ASTN2: variants seen among roughly 807,000 people sequenced by gnomAD.
The protein encoded by ASTN2 is astrotactin 2.
ASTN2 carries 54 observed loss-of-function variants against 139.8 expected under a neutral mutation model. The ratio of observed to expected loss-of-function variants is 0.39; its 90% CI spans 0.31 to 0.48. The LOEUF (loss-of-function observed/expected upper bound fraction) is 0.48. Ranked by LOEUF, ASTN2 falls within the 20% of genes least tolerant of loss-of-function variation. The probability of loss-of-function intolerance (pLI) is 0.95; values close to 1 mark genes in which losing one functional copy is unlikely to be tolerated. For synonymous variants in ASTN2, 756 were observed against 719.5 expected (o/e 1.05, Z -0.81); for missense variants, 1,565 against 1,725.1 (o/e 0.91, Z 1.64).
Position 116,620,433 on chromosome 9 carries a change from C to T in ASTN2, c.3083G>A (p.Ser1028Asn), listed in dbSNP as rs771115053. Residue 1028 changes from serine to asparagine, a missense_variant, in exon 18 of 23, where the codon AGT becomes AAT. Ser to Asn is a conservative substitution (Grantham distance 46). This residue lies in a region of ASTN2 where 418 missense variants were observed against 465.8 expected (regional missense o/e 0.90). Transcript: ENST00000313400. Reference sequence around the variant, plus strand: ...GCACCAGTAGGAACTCATCAGTGCACTCTTGAAGGCCTGGACAAAAAAAGA... The same window carrying T: ...GCACCAGTAGGAACTCATCAGTGCATTCTTGAAGGCCTGGACAAAAAAAGA... ...QDNGTKEAFK[S>N]ALMSSYWCSG... is the part of the protein sequence containing the mutation. 6.2e-7 allele frequency: 1 copy of T among 1,614,090 alleles called. No homozygotes were observed. The highest frequency in any genetic ancestry group is 2.2e-5 in the East Asian group (1 of 44,876).
At chr9:117,205,240 C>A (rs1449857012) in intron 3 of ASTN2, among the ~76,000 whole-genome samples, 1 of 149,588 alleles carries the variant, frequency 6.7e-6, no homozygotes, top group East Asian at 2.0e-4. Context: ...TGAAGGAAAG[C>A]TGGAGATAAA....
chr9:116,789,504 T>C (rs999002828), intron 13 of ASTN2, among the ~76,000 whole-genome samples: 1 of 152,220 alleles, frequency 6.6e-6, no homozygotes. Flanking sequence ...ATAGTAATTA[T>C]TCAGTAGTGA....
At chr9:116,671,151 T>G (rs1475178175) in intron 16 of ASTN2, among the ~76,000 whole-genome samples, 1 of 152,106 alleles carries the variant, frequency 6.6e-6, no homozygotes, top group Admixed American at 6.6e-5. Context: ...ATCCCAAAAT[T>G]TATATTAGAA....
In ASTN2 at chr9:116,424,051, C is replaced by T. The variant is rs1847246343; in HGVS notation, c.*1800G>A. Among the ~76,000 whole-genome samples, 1 of 152,132 alleles carries T rather than the reference C, an allele frequency of 6.6e-6. No individual in the cohort carries two copies. The highest frequency in any genetic ancestry group is 1.5e-5 in the Non-Finnish European group (1 of 68,018). On this transcript the variant is annotated 3_prime_UTR_variant, in exon 23 of 23. Coordinates refer to ENST00000313400, the MANE Select transcript of ASTN2 (RefSeq NM_001365068.1). ...ATCTTTGCATTATGATATACCTGAC[C>T]TACATCCCATCTGCTCAAGCTAGGT...
intron 19 of ASTN2, among the ~76,000 whole-genome samples, chr9:116,511,813 G>A (rs1850396916): frequency 6.6e-6 from 1 of 152,116 alleles, no homozygotes; most frequent in South Asian, 2.1e-4. Flanking sequence ...AGTATTCTCT[G>A]ACGGTAGTAT....
chr9:117,121,090 T>A lies in ASTN2; in HGVS notation c.1168+20236A>T, dbSNP rs144031884. ...TATCTGGTAAAATTATTAGAAGAAG[T>A]TCACATCCACATGGGGTAGGCATCA... is the stretch of plus-strand genomic sequence containing the variant. On this transcript the variant is annotated intron_variant, in intron 4 of 22. Coordinates refer to ENST00000313400, the MANE Select transcript of ASTN2 (RefSeq NM_001365068.1). Among the ~76,000 whole-genome samples the A allele has an allele frequency of 1.8e-3, 270 of 152,366 alleles. No individual in the cohort carries two copies. The South Asian group carries it at 0.019, about 11-fold the overall frequency.
At chr9:116,535,573 TTTGC>T (rs1402961720) in intron 19 of ASTN2, among the ~76,000 whole-genome samples, 3 of 152,154 alleles carry the variant, frequency 2.0e-5, no homozygotes, top group Non-Finnish European at 2.9e-5. Flanking sequence ...TCCCTTAGCA[TTTGC>T]TTGTCTATAA....
At chr9:116,481,106 G>C (rs1484251889) in intron 20 of ASTN2, among the ~76,000 whole-genome samples, 1 of 152,184 alleles carries the variant, frequency 6.6e-6, no homozygotes, top group Non-Finnish European at 1.5e-5. Context: ...AACTGAAGCA[G>C]TCTGGGCATG....
intron 19 of ASTN2, among the ~76,000 whole-genome samples, chr9:116,608,874 TG>T (rs1169220326): frequency 2.0e-5 from 3 of 152,084 alleles, no homozygotes; most frequent in Non-Finnish European, 2.9e-5. Context: ...ATATCCCATA[TG>T]TAAAAAAAAT....
At chr9:117,303,730 C>G (rs570212726) in intron 1 of ASTN2, among the ~76,000 whole-genome samples, 1 of 152,330 alleles carries the variant, frequency 6.6e-6, no homozygotes, top group African/African-American at 2.4e-5. Flanking sequence ...AAACAGTCAA[C>G]AGCTCTCCTC....
At chr9:117,369,507 G>A (rs951463981) in intron 1 of ASTN2, among the ~76,000 whole-genome samples, 1 of 151,994 alleles carries the variant, frequency 6.6e-6, no homozygotes, top group Admixed American at 6.6e-5. Flanking sequence ...AGATCATATA[G>A]ACCCTGCCTG....
chr9:117,392,011 G>A (rs1428537261), intron 1 of ASTN2, among the ~76,000 whole-genome samples: 1 of 152,146 alleles, frequency 6.6e-6, no homozygotes, highest in Non-Finnish European at 1.5e-5. Flanking sequence ...ACAAGATGTA[G>A]GTTCCCATAG....
At chr9:117,393,381 C>T (rs1830592321) in intron 1 of ASTN2, among the ~76,000 whole-genome samples, 1 of 151,588 alleles carries the variant, frequency 6.6e-6, no homozygotes, top group African/African-American at 2.4e-5. Flanking sequence ...AACACACACA[C>T]AGATGTAGAG....
intron 1 of ASTN2, among the ~76,000 whole-genome samples, chr9:117,343,542 T>A (rs1829123894): frequency 1.3e-5 from 2 of 152,200 alleles, no homozygotes; most frequent in South Asian, 2.1e-4. Context: ...ACTAACACTT[T>A]CCATGAATAA....
chr9:117,340,782 G>A (rs1048253088), intron 1 of ASTN2, among the ~76,000 whole-genome samples: 3 of 152,210 alleles, frequency 2.0e-5, no homozygotes, highest in South Asian at 4.1e-4. Flanking sequence ...GAGGCACAAA[G>A]TAAGGGTGAG....
chr9:117,294,085 C>G (rs1398061702), intron 1 of ASTN2, among the ~76,000 whole-genome samples: 1 of 152,250 alleles, frequency 6.6e-6, no homozygotes, highest in Non-Finnish European at 1.5e-5. Context: ...GAGGCTTCCC[C>G]TTTCCATGTT....
At chr9:117,105,094 G>A (rs1289886937) in intron 4 of ASTN2, among the ~76,000 whole-genome samples, 1 of 151,970 alleles carries the variant, frequency 6.6e-6, no homozygotes, top group Non-Finnish European at 1.5e-5. Flanking sequence ...CTCCCATCCT[G>A]CCTTATCTTT....
chr9:116,930,539 G>T (rs991980911), intron 10 of ASTN2, among the ~76,000 whole-genome samples: 2 of 151,874 alleles, frequency 1.3e-5, no homozygotes, highest in Non-Finnish European at 2.9e-5. Flanking sequence ...ATATACTTCT[G>T]AGCAGGGTTA....
At chr9:117,114,757 T>C (rs1250758099) in intron 4 of ASTN2, among the ~76,000 whole-genome samples, 3 of 152,198 alleles carry the variant, frequency 2.0e-5, no homozygotes, top group African/African-American at 2.4e-5. Flanking sequence ...GTATCTTGCA[T>C]GGCCAGGTCA....
Sources: allele counts gnomAD v4.1 joint callset (sites outside exome capture counted in the v4.1 genomes callset), GRCh38; gene constraint gnomAD v4.1.1; regional missense constraint gnomAD v4.1.1; transcripts MANE v1.5; gene names NCBI Gene and HGNC (gene_info 2026-07-23, HGNC 2026-07-21).